ME3: variants seen among roughly 807,000 people sequenced by gnomAD.
ME3 encodes malic enzyme 3, also known as NADP-dependent malic enzyme, mitochondrial.
A neutral mutation model predicts 68.9 loss-of-function variants in ME3; 48 were observed. The ratio of observed to expected loss-of-function variants is 0.70; its 90% CI spans 0.55 to 0.89. The LOEUF is 0.89. ME3 is among the 40% of genes least tolerant of loss of function. The pLI, the probability that ME3 is intolerant of heterozygous loss-of-function variation, is 0.00. For missense variants in ME3, 675 were observed against 797.4 expected (o/e 0.85, Z 1.85); for synonymous variants, 320 against 318.8 (o/e 1.00, Z -0.04).
intron 2 of ME3, among the ~76,000 whole-genome samples, chr11:86,577,467 G>A (rs1359190552): frequency 3.3e-5 from 5 of 152,108 alleles, no homozygotes; most frequent in Non-Finnish European, 7.3e-5. Flanking sequence ...CAAATGTCGG[G>A]GGCCTCTTCT....
intron 2 of ME3, among the ~76,000 whole-genome samples, chr11:86,659,603 A>G (rs1946144318): frequency 6.6e-6 from 1 of 152,220 alleles, no homozygotes; most frequent in South Asian, 2.1e-4. Flanking sequence ...GTATGCAAGT[A>G]TTTATTAACT....
At chr11:86,562,312 T>C (rs543659834) in intron 2 of ME3, among the ~76,000 whole-genome samples, 1 of 152,366 alleles carries the variant, frequency 6.6e-6, no homozygotes, top group South Asian at 2.1e-4. Flanking sequence ...GCTTGGTTGC[T>C]TCCAGCTTTT....
intron 2 of ME3, among the ~76,000 whole-genome samples, chr11:86,629,746 A>G (rs990225573): frequency 3.9e-5 from 6 of 152,208 alleles, no homozygotes; most frequent in African/African-American, 1.2e-4. Context: ...TGAGCAAAGC[A>G]GCCATTCTTA....
intron 2 of ME3, among the ~76,000 whole-genome samples, chr11:86,588,920 G>T (rs1958893687): frequency 6.6e-6 from 1 of 152,214 alleles, no homozygotes; most frequent in Admixed American, 6.5e-5. Flanking sequence ...GGTGGCAGCT[G>T]TGTGTCCCCA....
At chr11:86,511,848 AT>A (rs1479132490) in intron 4 of ME3, among the ~76,000 whole-genome samples, 1 of 151,826 alleles carries the variant, frequency 6.6e-6, no homozygotes, top group Non-Finnish European at 1.5e-5. Flanking sequence ...TGTTTTTCAG[AT>A]TTTTGCATTC....
rs144490586 is a variant in ME3 at position 86,518,241 on chromosome 11, G to C, written c.468-9374C>G. On this transcript the variant is annotated intron_variant, in intron 4 of 14. Coordinates refer to ENST00000543262, the Ensembl canonical transcript of ME3. ...TGGAGAAATTGTAGTTTCAGAAAGGGAGAGCTGACCTGTCTTTTCCTGCAT... is the reference window on the plus strand; with the variant it reads ...TGGAGAAATTGTAGTTTCAGAAAGGCAGAGCTGACCTGTCTTTTCCTGCAT... Among the ~76,000 whole-genome samples the C allele has an allele frequency of 1.4e-4, 21 of 152,320 alleles. No individual in the cohort carries two copies. In the East Asian group the frequency reaches 4.0e-3, roughly 29 times the overall value.
chr11:86,444,214 G>A (rs11821842), intron 13 of ME3, among the ~76,000 whole-genome samples: 1 of 152,190 alleles, frequency 6.6e-6, no homozygotes, highest in Non-Finnish European at 1.5e-5. Context: ...GCATGAATTA[G>A]GGGAGAGAGA....
At chr11:86,586,520 C>G (rs906981132) in intron 2 of ME3, among the ~76,000 whole-genome samples, 4 of 152,064 alleles carry the variant, frequency 2.6e-5, no homozygotes, top group African/African-American at 4.8e-5. Flanking sequence ...GTTGGAGAAG[C>G]CAACATATTG....
At chr11:86,650,441 A>G (rs1945325763) in intron 2 of ME3, among the ~76,000 whole-genome samples, 1 of 152,220 alleles carries the variant, frequency 6.6e-6, no homozygotes, top group Non-Finnish European at 1.5e-5. Flanking sequence ...TGGCAACAGA[A>G]GCCAAAATTG....
intron 2 of ME3, among the ~76,000 whole-genome samples, chr11:86,567,007 C>T (rs1036726847): frequency 2.6e-5 from 4 of 151,982 alleles, no homozygotes; most frequent in Non-Finnish European, 4.4e-5. Context: ...CACCTGAAGT[C>T]GGGAGTTCAA....
intron 4 of ME3, among the ~76,000 whole-genome samples, chr11:86,526,626 C>T (rs113721218): frequency 0.055 from 8,302 of 152,284 alleles, 297 homozygotes; most frequent in Non-Finnish European, 0.076. Flanking sequence ...CCAGTAGGGG[C>T]AGACTGACAC....
intron 6 of ME3, among the ~76,000 whole-genome samples, chr11:86,490,900 C>T (rs1951965726): frequency 6.6e-6 from 1 of 151,990 alleles, no homozygotes; most frequent in East Asian, 1.9e-4. Flanking sequence ...CCCAGTGGCA[C>T]TAAGGGATTT....
At chr11:86,618,821 G>C (rs113085530) in intron 2 of ME3, among the ~76,000 whole-genome samples, 2 of 151,532 alleles carry the variant, frequency 1.3e-5, no homozygotes, top group African/African-American at 4.9e-5. Flanking sequence ...GGGTTCAAGC[G>C]ATTATCCTAC....
At chr11:86,568,636 GCC>G (rs1957615604) in intron 2 of ME3, among the ~76,000 whole-genome samples, 1 of 152,206 alleles carries the variant, frequency 6.6e-6, no homozygotes, top group African/African-American at 2.4e-5. Context: ...AAGGCAGCAA[GCC>G]CCTTAGATGG....
intron 6 of ME3, among the ~76,000 whole-genome samples, chr11:86,491,180 T>A (rs1951987883): frequency 6.6e-6 from 1 of 152,250 alleles, no homozygotes; most frequent in African/African-American, 2.4e-5. Flanking sequence ...TAGTCTGACC[T>A]CTTCTCATCC....
intron 2 of ME3, among the ~76,000 whole-genome samples, chr11:86,604,396 G>T (rs1961292391): frequency 6.6e-6 from 1 of 151,844 alleles, no homozygotes. Flanking sequence ...TGAGGTGGAG[G>T]GCTTCAAATT....
intron 2 of ME3, among the ~76,000 whole-genome samples, chr11:86,653,769 G>A (rs540427064): frequency 5.3e-5 from 8 of 152,144 alleles, no homozygotes; most frequent in Admixed American, 1.3e-4. Context: ...AGGAGAGAGC[G>A]ACACAAAAAT....
At chr11:86,435,344 G>T in the ME3 span, 1 of 152,204 alleles carries the variant, frequency 6.6e-6, no homozygotes, top group Admixed American at 6.5e-5. Context: ...AAATTATAAA[G>T]ATCATATTTA....
intron 2 of ME3, among the ~76,000 whole-genome samples, chr11:86,588,764 T>G (rs1310063536): frequency 6.6e-6 from 1 of 152,088 alleles, no homozygotes; most frequent in Non-Finnish European, 1.5e-5. Context: ...CTCAATTCAT[T>G]TCTAGTGAAA....
Sources: allele counts gnomAD v4.1 joint callset (sites outside exome capture counted in the v4.1 genomes callset), GRCh38; gene constraint gnomAD v4.1.1; transcripts MANE v1.5; gene names NCBI Gene and HGNC (gene_info 2026-07-23, HGNC 2026-07-21).